AFAP1: variants seen among roughly 807,000 people sequenced by gnomAD.
AFAP1 encodes actin filament-associated protein 1.
Under a neutral mutation model 93.9 loss-of-function variants are expected in AFAP1, and 75 were observed. That is an observed-to-expected ratio of 0.80 (90% CI 0.66 to 0.97). The LOEUF (loss-of-function observed/expected upper bound fraction) is 0.97. Ranked by LOEUF, AFAP1 falls within the 50% of genes least tolerant of loss-of-function variation. The pLI, the probability that AFAP1 is intolerant of heterozygous loss-of-function variation, is 0.00. For missense variants in AFAP1, 1,201 were observed against 1,050.8 expected (o/e 1.14, Z -1.98); for synonymous variants, 517 against 430.7 (o/e 1.20, Z -2.48).
intron 17 of AFAP1, among the ~76,000 whole-genome samples, chr4:7,767,975 C>A (rs1354892973): frequency 6.6e-6 from 1 of 152,138 alleles, no homozygotes; most frequent in African/African-American, 2.4e-5. Context: ...ACTTGGGAGG[C>A]TGAGGTGGGA....
rs574384799 is a variant in AFAP1 at position 7,772,787 on chromosome 4, C to G, written c.2253+33G>C. On this transcript the variant is annotated intron_variant, in intron 16 of 17. Transcript: ENST00000420658. ...TGGCCCTCGGCCACGCAAGGCCGCG[C>G]CAGCCTCCGAGGTGAGCCAGAAGGA... The G allele has an allele frequency of 2.5e-6, 4 of 1,601,096 alleles. No homozygotes were observed. In the East Asian group the frequency reaches 8.9e-5, roughly 36 times the overall value.
At chr4:7,918,720 GTGGATGAGACACTCAGC>G (rs1720248513) in intron 1 of AFAP1, among the ~76,000 whole-genome samples, 1 of 123,144 alleles carries the variant, frequency 8.1e-6, no homozygotes, top group Admixed American at 8.5e-5. Flanking sequence ...AAACAGGGCT[GTGGATGAGACACTCAGC>G]CCAGGTCACC....
intron 3 of AFAP1, among the ~76,000 whole-genome samples, chr4:7,858,697 C>T (rs975646404): frequency 3.9e-5 from 6 of 152,172 alleles, no homozygotes; most frequent in East Asian, 3.8e-4. Flanking sequence ...GGCGCACAGC[C>T]ACTCACATCC....
rs1560213065 is a variant in AFAP1, at chr4:7,871,994, C to A, written c.85G>T (p.Ala29Ser). The A allele has an allele frequency of 6.2e-7, 1 of 1,614,146 alleles. No individual in the cohort carries two copies. The highest frequency in any genetic ancestry group is 8.5e-7 in the Non-Finnish European group (1 of 1,180,014). The change falls in exon 2 of 18, where the codon GCA becomes TCA. Residue 29 changes from alanine (A) to serine (S), a missense_variant. By Grantham distance (99) the Ala-to-Ser change is moderately conservative. Coordinates refer to ENST00000420658, the MANE Select transcript of AFAP1 (RefSeq NM_001134647.2). ...CTTAGCAGAATGTTGGTTATCACTG[C>A]CTTTTTCTCCCTGACAGTTGAGGTT... ...YLTSTVREKKAVITNILLRIQ... is the reference protein window; with the variant it reads ...YLTSTVREKKSVITNILLRIQ...
rs139893586 is a variant in AFAP1, at chr4:7,778,733, G to C, written c.1897+29C>G. ...GCTCCACCAAGTGCACTTGAAGCCGGAATGCAAGACATCCGATGGTATACT... is the reference window on the plus strand; with the variant it reads ...GCTCCACCAAGTGCACTTGAAGCCGCAATGCAAGACATCCGATGGTATACT... On this transcript the variant is annotated intron_variant, in intron 14 of 17. Transcript: ENST00000420658. 223 of 1,602,416 alleles carry C rather than the reference G, an allele frequency of 1.4e-4. 1 individual carries two copies. In the East Asian group the frequency reaches 4.8e-3, roughly 35 times the overall value.
intron 1 of AFAP1, among the ~76,000 whole-genome samples, chr4:7,891,024 T>C (rs1560222351): frequency 6.6e-6 from 1 of 151,930 alleles, no homozygotes; most frequent in Non-Finnish European, 1.5e-5. Flanking sequence ...AATAAGCATG[T>C]GGATAAACAG....
chr4:7,869,166 A>AG (rs1716789916), intron 2 of AFAP1, among the ~76,000 whole-genome samples: 1 of 151,854 alleles, frequency 6.6e-6, no homozygotes, highest in Admixed American at 6.6e-5. Context: ...GGAAAGGGAA[A>AG]AGAAAAGAAA....
chr4:7,809,740 A>G lies in AFAP1; in HGVS notation c.928T>C (p.Ser310Pro). The G allele has an allele frequency of 6.2e-7, 1 of 1,613,068 alleles. No individual in the cohort carries two copies. Residue 310 changes from serine to proline, a missense_variant, in exon 9 of 18, where the codon TCA becomes CCA. Transcript: ENST00000420658. The stretch of plus-strand genomic sequence containing the variant: ...TTCGACACAGTGCCCTTGGCCTCTG[A>G]TTTGGAACTTTTCTTCCTCTTCACT... ...EQVKRKKSSK[S>P]EAKGTVSKVT...
chr4:7,840,305 GGTGT>G (rs5855989), intron 5 of AFAP1, among the ~76,000 whole-genome samples: 39,547 of 130,914 alleles, frequency 0.3, 5,746 homozygotes, highest in East Asian at 0.51. Flanking sequence ...TTGTTTTTGG[GGTGT>G]GTGTGTGTGT....
At chr4:7,791,016 G>A (rs1243572955) in intron 11 of AFAP1, among the ~76,000 whole-genome samples, 1 of 152,204 alleles carries the variant, frequency 6.6e-6, no homozygotes, top group Non-Finnish European at 1.5e-5. Context: ...GCCCCAGAAT[G>A]TCCTAGCTAA....
At chr4:7,777,358 G>A (rs1234647913) in intron 14 of AFAP1, 2 of 152,252 alleles carry the variant, frequency 1.3e-5, no homozygotes, top group African/African-American at 2.4e-5. Flanking sequence ...GGGTAGAACA[G>A]AGGTGGAGAA....
At chr4:7,842,683 A>AT in intron 5 of AFAP1, 1 of 158,324 alleles carries the variant, frequency 6.3e-6, no homozygotes. Context: ...TGCCTCTCAA[A>AT]TTTAAAAAAA....
At chr4:7,873,769 C>G (rs1560214323) in intron 1 of AFAP1, among the ~76,000 whole-genome samples, 1 of 152,118 alleles carries the variant, frequency 6.6e-6, no homozygotes, top group Non-Finnish European at 1.5e-5. Context: ...AGTTCCAAGC[C>G]ACCCGAAGCC....
At chr4:7,934,476 A>T (rs1222390484) in intron 1 of AFAP1, among the ~76,000 whole-genome samples, 1 of 152,214 alleles carries the variant, frequency 6.6e-6, no homozygotes, top group Non-Finnish European at 1.5e-5. Context: ...ATGACAGTAT[A>T]ACTTAGTATG....
Position 7,872,038 on chromosome 4 carries a change from A to C in AFAP1, c.41T>G (p.Leu14Arg). ...LIVELRLFLE[L>R]LDHEYLTSTV... ...TGAGGTTAGATATTCATGGTCCAGGAGTTCAAGAAAGAGACGAAGTTCAAC... is the reference window on the plus strand; with the variant it reads ...TGAGGTTAGATATTCATGGTCCAGGCGTTCAAGAAAGAGACGAAGTTCAAC... The change falls in exon 2 of 18, where the codon CTC becomes CGC. Residue 14 changes from leucine to arginine, a missense_variant. Transcript: ENST00000420658. The C allele has an allele frequency of 6.2e-7, 1 of 1,614,140 alleles. No homozygotes were observed. The highest frequency in any genetic ancestry group is 8.5e-7 in the Non-Finnish European group (1 of 1,180,022).
At chr4:7,788,729 T>C (rs1456803746) in intron 11 of AFAP1, 1 of 152,226 alleles carries the variant, frequency 6.6e-6, no homozygotes, top group Non-Finnish European at 1.5e-5. Flanking sequence ...CAGCGCTATG[T>C]ATACTTTCTG....
intron 1 of AFAP1, among the ~76,000 whole-genome samples, chr4:7,908,357 T>G (rs997827831): frequency 6.6e-6 from 1 of 152,360 alleles, no homozygotes; most frequent in African/African-American, 2.4e-5. Flanking sequence ...GGCATCACAC[T>G]AGGCTTCCTG....
intron 16 of AFAP1, among the ~76,000 whole-genome samples, chr4:7,771,340 ATGTG>A (rs1264425385): frequency 2.6e-5 from 4 of 152,194 alleles, no homozygotes; most frequent in African/African-American, 9.7e-5. Context: ...GCATATGCAT[ATGTG>A]TGTATGTACA....
Position 7,823,446 on chromosome 4 carries a change from TG to T in AFAP1, c.727-4276del, listed in dbSNP as rs1721151646. On this transcript the variant is annotated intron_variant, in intron 6 of 17. Transcript: ENST00000420658. ...CAAGAGGAAAAAGTGTTGTTTTGTG[TG>T]TTTTTTAAAGGAAAGTAGATAAAAG... Among the ~76,000 whole-genome samples, 7 of 152,044 alleles carry T rather than the reference TG, an allele frequency of 4.6e-5. No individual in the cohort carries two copies. The South Asian group carries it at 1.5e-3, about 32-fold the overall frequency.
Sources: gnomAD v4.1 joint callset for allele counts (sites outside exome capture counted in the v4.1 genomes callset) on GRCh38, gnomAD v4.1.1 for gene constraint, MANE v1.5 for transcripts, NCBI Gene and HGNC (gene_info 2026-07-23, HGNC 2026-07-21) for gene names.